PSMD13: variants seen among roughly 807,000 people sequenced by gnomAD.
PSMD13 encodes proteasome 26S subunit, non-ATPase 13.
PSMD13 carries 8 observed loss-of-function variants against 57.4 expected under a neutral mutation model. The observed-to-expected ratio is 0.14, with a 90% CI of 0.08 to 0.25. The LOEUF (loss-of-function observed/expected upper bound fraction) is 0.25. Ranked by LOEUF, PSMD13 falls within the 10% of genes least tolerant of loss-of-function variation. The pLI is 1.00. For synonymous variants in PSMD13, 193 were observed against 168.2 expected, an observed-to-expected ratio of 1.15 and a Z score of -1.14; for missense variants, 400 against 461.5, an observed-to-expected ratio of 0.87 and a Z score of 1.22.
At position 249,017 on chromosome 11, in the gene PSMD13, T is replaced by C; in HGVS notation, c.734T>C (p.Val245Ala). Residue 245 changes from valine (V) to alanine (A), a missense_variant, in exon 9 of 13, where the codon GTA (valine) becomes GCA (alanine). Transcript: ENST00000532097. ...DTLYAFNSGN[V>A]ERFQTLKTAW... ...CTCTATGCCTTCAACAGTGGCAACG[T>C]AGAGCGGTTCCAGACTCTGAAGACT... 1 of 1,613,894 alleles carries C rather than the reference T, an allele frequency of 6.2e-7. No individual in the cohort carries two copies. The highest frequency in any genetic ancestry group is 1.1e-5 in the South Asian group (1 of 91,072).
chr11:246,546 G>A (rs1395451512), intron 6 of PSMD13, among the ~76,000 whole-genome samples: 1 of 152,124 alleles, frequency 6.6e-6, no homozygotes, highest in Non-Finnish European at 1.5e-5. Flanking sequence ...ATCACAAACA[G>A]TACTGCCATA....
intron 7 of PSMD13, 132 bp from the exon 8 acceptor site, chr11:248,644 C>CT (rs1230817601): frequency 3.6e-6 from 3 of 843,016 alleles, no homozygotes; most frequent in Non-Finnish European, 5.7e-6. Context: ...GAAGAGGTGA[C>CT]TAATGTCAAG....
At chr11:247,234 CTT>C (rs753130643) in intron 6 of PSMD13, 41 bp from the exon 7 acceptor site, 1 of 1,562,266 alleles carries the variant, frequency 6.4e-7, no homozygotes, top group African/African-American at 1.4e-5. Context: ...ATAAAATAAA[CTT>C]TTAACTTAAA....
In PSMD13 at chr11:245,641, CGTGTGTGTGTGTGTGT is replaced by C. The variant is rs4029226; in HGVS notation, c.396+905_396+920del. On this transcript the variant is annotated intron_variant, in intron 6 of 12. Transcript: ENST00000532097. ...GCTGGTCCACCTGGTTGAACCAGAA[CGTGTGTGTGTGTGTGT>C]GTGTGTGTGTGTGTGTGTGTGTGTT... 6.5e-5 allele frequency among the ~76,000 whole-genome samples: 8 copies of C among 122,348 alleles called. No homozygotes were observed. The South Asian group carries it at 8.4e-4, about 13-fold the overall frequency. 80.3% of individuals were successfully genotyped at this position (122,348 alleles called of 152,430 possible).
Position 244,426 on chromosome 11 carries a change from A to G in PSMD13, c.266A>G (p.Asp89Gly), listed in dbSNP as rs982890119. Reference sequence around the variant, plus strand: ...CTTCTGATTGTTCCTTCTTTTCCAGATCCTAATGTGGCTCTTACTTTTCTG... The same window carrying G: ...CTTCTGATTGTTCCTTCTTTTCCAGGTCCTAATGTGGCTCTTACTTTTCTG... The part of the protein sequence containing the change: ...IILHVVRQMT[D>G]PNVALTFLEK... The change falls in exon 5 of 13, where the codon GAT becomes GGT. Residue 89 changes from aspartate to glycine, a missense_variant and splice_region_variant. Coordinates refer to ENST00000532097, the MANE Select transcript of PSMD13 (RefSeq NM_002817.4). 1.2e-6 allele frequency: 2 copies of G among 1,610,678 alleles called. No individual in the cohort carries two copies. The highest frequency in any genetic ancestry group is 1.7e-6 in the Non-Finnish European group (2 of 1,177,288).
Position 251,993 on chromosome 11 carries a change from A to G in PSMD13, c.1035+57A>G. ...GTGGATTTTGAGGGGTTGTGTCTAT[A>G]CCGTCTTAGTTTCATTTGGATGGAA... is the stretch of plus-strand genomic sequence containing the variant. On this transcript the variant is annotated intron_variant, in intron 12 of 12. Transcript: ENST00000532097. This position sits in a 1 kb window ranked among gnomAD's most constrained non-coding sequence, Gnocchi z 4.6. 1 of 1,490,282 alleles carries G rather than the reference A, an allele frequency of 6.7e-7. No homozygotes were observed. The highest frequency in any genetic ancestry group is 1.2e-5 in the South Asian group (1 of 85,526). 92.3% of individuals were successfully genotyped at this position (1,490,282 alleles called of 1,614,324 possible). A position where few individuals can be genotyped will look rare whatever the true frequency, so the allele number is the denominator to read the frequency against.
rs1590253388 is a variant in PSMD13 at position 248,952 on chromosome 11, G to A, written c.669G>A (p.Glu223=). The change falls in exon 9 of 13, where the codon GAG becomes GAA. Residue 223 remains glutamate (E), a synonymous_variant. Transcript: ENST00000532097. The part of the protein sequence containing the change: ...FGELLMHPVL[E]SLRNTDRQWL... ...CACAGCTCATGCACCCTGTGCTGGA[G>A]TCCCTGAGGAATACTGACCGGCAGT... 1 of 1,614,178 alleles carries A rather than the reference G, an allele frequency of 6.2e-7. No homozygotes were observed. Among genetic ancestry groups the A allele is most frequent in the Non-Finnish European group, 8.5e-7 (1 of 1,180,032 alleles).
At position 248,964 on chromosome 11, in the gene PSMD13, T is replaced by C; in HGVS notation, c.681T>C (p.Asn227=). 6.2e-7 allele frequency: 1 copy of C among 1,614,208 alleles called. No homozygotes were observed. The highest frequency in any genetic ancestry group is 8.5e-7 in the Non-Finnish European group (1 of 1,180,024). The stretch of plus-strand genomic sequence containing the variant: ...ACCCTGTGCTGGAGTCCCTGAGGAA[T>C]ACTGACCGGCAGTGGCTGATTGACA... ...LMHPVLESLR[N]TDRQWLIDTL... is the part of the protein sequence containing the mutation. The change falls in exon 9 of 13, where the codon AAT becomes AAC. Residue 227 remains asparagine (N), a synonymous_variant. Transcript: ENST00000532097.
intron 7 of PSMD13, 36 bp from the exon 8 acceptor site, chr11:248,740 G>A (rs747869777): frequency 1.9e-6 from 3 of 1,589,200 alleles, no homozygotes; most frequent in South Asian, 1.1e-5. Context: ...TGATTATTAT[G>A]ACTGGATTGT....
At chr11:246,031 C>T (rs1421754794) in intron 6 of PSMD13, among the ~76,000 whole-genome samples, 1 of 152,136 alleles carries the variant, frequency 6.6e-6, no homozygotes, top group Non-Finnish European at 1.5e-5. Context: ...GCCAGGCTCC[C>T]TCTCATGCCC....
intron 7 of PSMD13, 120 bp downstream of exon 7, chr11:247,568 A>G: frequency 1.7e-6 from 2 of 1,147,988 alleles, no homozygotes; most frequent in South Asian, 3.2e-5. Context: ...ACGGTGGCTC[A>G]CGCCTGTAAT....
At position 251,251 on chromosome 11, in the gene PSMD13, T is replaced by A; in HGVS notation, c.838-295T>A. 2.2e-6 allele frequency: 1 copy of A among 456,290 alleles called. No homozygotes were observed. Among genetic ancestry groups the A allele is most frequent in the Non-Finnish European group, 3.9e-6 (1 of 254,068 alleles). The allele number at this position is 456,290 out of a possible 1,614,324, so 28.3% of individuals were successfully genotyped here. On this transcript the variant is annotated intron_variant, in intron 10 of 12. Transcript: ENST00000532097. This position sits in a 1 kb window ranked among gnomAD's most constrained non-coding sequence, Gnocchi z 4.6. The stretch of plus-strand genomic sequence containing the variant: ...CAGGAAGTGGCCCTTAGATTTCTGG[T>A]TTGCCGTGGTCACCCCTGGTCAACC...
At chr11:247,749 C>T (rs1275107147) in intron 7 of PSMD13, 3 of 216,012 alleles carry the variant, frequency 1.4e-5, no homozygotes, top group Non-Finnish European at 2.8e-5. Context: ...AGGAGAATCA[C>T]TTGAACTCGG....
At position 251,035 on chromosome 11, in the gene PSMD13, TAA is replaced by T. The variant is rs1194881035; in HGVS notation, c.837+171_837+172del. 8 of 618,014 alleles carry T rather than the reference TAA, an allele frequency of 1.3e-5. No homozygotes were observed. The highest frequency in any genetic ancestry group is 2.0e-5 in the Non-Finnish European group (7 of 349,996). The allele number at this position is 618,014 out of a possible 1,614,324, so 38.3% of individuals were successfully genotyped here. A position where few individuals can be genotyped will look rare whatever the true frequency, so the allele number is the denominator to read the frequency against. On this transcript the variant is annotated intron_variant, in intron 10 of 12. Coordinates refer to ENST00000532097, the MANE Select transcript of PSMD13 (RefSeq NM_002817.4). This position sits in a 1 kb window ranked among gnomAD's most constrained non-coding sequence, Gnocchi z 4.6. ...TTTCCTTTGCTACCACTTGCTCTTC[TAA>T]GTTTATATTTGGCTCTTAGCTCAGA...
chr11:239,185 C>A, intron 2 of PSMD13, 109 bp downstream of exon 2: 3 of 1,070,566 alleles, frequency 2.8e-6, no homozygotes, highest in South Asian at 2.5e-5. Flanking sequence ...ATTCAGCAGT[C>A]ACTTTACGTC....
intron 1 of PSMD13, among the ~76,000 whole-genome samples, chr11:237,901 C>T (rs1350554181): frequency 2.6e-5 from 4 of 152,222 alleles, no homozygotes; most frequent in African/African-American, 9.7e-5. Context: ...CCTGTAGTAA[C>T]CTCCCTGTTA....
intron 2 of PSMD13, 60 bp from the exon 3 acceptor site, chr11:243,981 G>T: frequency 1.3e-6 from 2 of 1,513,312 alleles, no homozygotes; most frequent in South Asian, 2.3e-5. Flanking sequence ...AGTGTTTGGG[G>T]TCTTCGTTTT....
chr11:249,001 T>C lies in PSMD13; in HGVS notation c.718T>C (p.Phe240Leu). 1 of 1,614,076 alleles carries C rather than the reference T, an allele frequency of 6.2e-7. No homozygotes were observed. Among genetic ancestry groups the C allele is most frequent in the Non-Finnish European group, 8.5e-7 (1 of 1,180,036 alleles). ...GTGGCTGATTGACACCCTCTATGCC[T>C]TCAACAGTGGCAACGTAGAGCGGTT... ...RQWLIDTLYA[F>L]NSGNVERFQT... The change falls in exon 9 of 13, where the codon TTC becomes CTC. Residue 240 changes from phenylalanine (F) to leucine (L), a missense_variant. Coordinates refer to ENST00000532097, the MANE Select transcript of PSMD13 (RefSeq NM_002817.4).
rs747380653 is a variant in PSMD13 at position 237,018 on chromosome 11, T to C, written c.-32T>C. ...ATCCCCGCGGTGCTGACATCCCGGT[T>C]GTTCTTCTGTGCCGGGGGTCTTCCT... On this transcript the variant is annotated 5_prime_UTR_variant, in exon 1 of 13. Coordinates refer to ENST00000532097, the MANE Select transcript of PSMD13 (RefSeq NM_002817.4). 1 of 1,557,934 alleles carries C rather than the reference T, an allele frequency of 6.4e-7. No individual in the cohort carries two copies. Among genetic ancestry groups the C allele is most frequent in the South Asian group, 1.1e-5 (1 of 89,734 alleles).
Sources: allele counts gnomAD v4.1 joint callset (sites outside exome capture counted in the v4.1 genomes callset), GRCh38; gene constraint gnomAD v4.1.1; non-coding constraint Gnocchi (gnomAD v3.1); transcripts MANE v1.5; gene names NCBI Gene and HGNC (gene_info 2026-07-23, HGNC 2026-07-21).